Variants in HELLS observed in about 807,000 individuals in gnomAD.
The protein encoded by HELLS is lymphoid-specific helicase.
A neutral mutation model predicts 120.0 loss-of-function variants in HELLS; 32 were observed. The observed-to-expected ratio is 0.27, with a 90% CI of 0.20 to 0.36. HELLS has a LOEUF of 0.36. Among genes scored for constraint, HELLS ranks in the 10% least tolerant of loss-of-function variants. HELLS has a pLI of 1.00. For synonymous variants in HELLS, 341 were observed against 323.4 expected, an observed-to-expected ratio of 1.05 and a Z score of -0.58; for missense variants, 650 against 993.4, an observed-to-expected ratio of 0.65 and a Z score of 4.65.
intron 6 of HELLS, among the ~76,000 whole-genome samples, chr10:94,568,161 G>T (rs760328991): frequency 3.3e-5 from 5 of 150,880 alleles, no homozygotes; most frequent in Admixed American, 2.0e-4. Context: ...ATCTGCCTTG[G>T]CCTCCCAAAG....
chr10:94,577,182 G>T, intron 10 of HELLS: 1 of 339,684 alleles, frequency 2.9e-6, no homozygotes, highest in Non-Finnish European at 5.6e-6. Flanking sequence ...TATCTTATTG[G>T]ACTATTTGGT....
intron 15 of HELLS, among the ~76,000 whole-genome samples, chr10:94,591,611 T>G (rs940244991): frequency 6.6e-6 from 1 of 152,212 alleles, no homozygotes; most frequent in Admixed American, 6.6e-5. Context: ...TAGTATTCAC[T>G]TCCCTCAGTT....
At chr10:94,570,456 T>C (rs1038612019) in intron 6 of HELLS, 2 of 152,112 alleles carry the variant, frequency 1.3e-5, no homozygotes, top group African/African-American at 4.8e-5. Context: ...GATATACATA[T>C]ATTCCCATGT....
chr10:94,578,285 C>A (rs1296140589), intron 10 of HELLS, among the ~76,000 whole-genome samples: 10 of 151,944 alleles, frequency 6.6e-5, no homozygotes, highest in Non-Finnish European at 1.5e-4. Context: ...CACCAGGAAC[C>A]GGTTTTGTGG....
intron 3 of HELLS, chr10:94,557,132 A>T (rs1413258832): frequency 2.7e-6 from 1 of 368,976 alleles, no homozygotes; most frequent in African/African-American, 2.1e-5. Flanking sequence ...TGCACTTTTC[A>T]TCTGATATAC....
rs777811792 is a variant in HELLS at position 94,601,536 on chromosome 10, A to T, written c.2431A>T (p.Asn811Tyr). 1 of 1,522,936 alleles carries T rather than the reference A, an allele frequency of 6.6e-7. No homozygotes were observed. Among genetic ancestry groups the T allele is most frequent in the Non-Finnish European group, 9.1e-7 (1 of 1,104,810 alleles). 94.3% of individuals were successfully genotyped at this position (1,522,936 alleles called of 1,614,324 possible). The change falls in exon 22 of 22, where the codon AAT (asparagine) becomes TAT (tyrosine). Residue 811 changes from asparagine to tyrosine, a missense_variant. Transcript: ENST00000348459. ...TAATGTTTTTCCCTTAGATCAAATG[A>T]ATGCTTCAGGACCAATTAAAGAGAA... Reference protein sequence around the residue: ...LDRSDLIDQMNASGPIKEKMG... With the variant: ...LDRSDLIDQMYASGPIKEKMG...
intron 4 of HELLS, among the ~76,000 whole-genome samples, chr10:94,558,441 G>A (rs1177961866): frequency 1.3e-5 from 2 of 152,098 alleles, no homozygotes; most frequent in African/African-American, 4.8e-5. Flanking sequence ...GGCAAAATTT[G>A]ACTTTCTTAA....
chr10:94,609,244 AAC>A (rs1221660636), intron 9 of HELLS, among the ~76,000 whole-genome samples: 2 of 152,022 alleles, frequency 1.3e-5, no homozygotes, highest in Non-Finnish European at 2.9e-5. Flanking sequence ...GCTAGTCTCG[AAC>A]TCCTGACCTC....
At chr10:94,610,826 G>C (rs1318344645) in exon 10 of HELLS, 2 of 152,266 alleles carry the variant, frequency 1.3e-5, no homozygotes, top group East Asian at 3.8e-4. Context: ...CTGAACTCAG[G>C]TGATCTGCCT....
intron 7 of HELLS, among the ~76,000 whole-genome samples, chr10:94,572,248 T>G (rs1844214200): frequency 6.7e-6 from 1 of 149,198 alleles, no homozygotes; most frequent in African/African-American, 2.5e-5. Context: ...TACTATGGGA[T>G]TTTGGCTTCA....
exon 10 of HELLS, chr10:94,611,761 T>C (rs1187731486): frequency 6.6e-6 from 1 of 152,188 alleles, no homozygotes; most frequent in Non-Finnish European, 1.5e-5. Flanking sequence ...AGTGATTGGC[T>C]CTTCCTAAAA....
chr10:94,550,716 C>T (rs1359654329), intron 2 of HELLS, among the ~76,000 whole-genome samples: 2 of 151,958 alleles, frequency 1.3e-5, no homozygotes, highest in Admixed American at 6.5e-5. Flanking sequence ...AGGGTGAAAC[C>T]CCATCTCTAC....
Position 94,546,335 on chromosome 10 carries a change from A to AT in HELLS, c.32-35dup, listed in dbSNP as rs761288897. On this transcript the variant is annotated intron_variant, in intron 1 of 21. Transcript: ENST00000348459. ...TCTTGTTGGAGTTGAGTAGTTGGTA[A>AT]TTTTTTTAAAACTGCAATTTGAAAG... 3.7e-5 allele frequency: 60 copies of AT among 1,612,858 alleles called. 1 individual carries two copies. In the South Asian group the frequency reaches 5.6e-4, roughly 15 times the overall value.
chr10:94,557,145 C>T, intron 3 of HELLS: 1 of 406,170 alleles, frequency 2.5e-6, no homozygotes, highest in South Asian at 1.8e-5. Context: ...TGATATACAT[C>T]ATTTATTGTA....
At chr10:94,591,294 C>T (rs1845477973) in intron 15 of HELLS, among the ~76,000 whole-genome samples, 1 of 152,138 alleles carries the variant, frequency 6.6e-6, no homozygotes, top group Non-Finnish European at 1.5e-5. Context: ...TTATCAAAAT[C>T]AGCCTGGTTG....
chr10:94,556,985 C>T (rs930259697), intron 3 of HELLS, among the ~76,000 whole-genome samples: 2 of 152,216 alleles, frequency 1.3e-5, no homozygotes, highest in African/African-American at 4.8e-5. Context: ...CTGGAACCTT[C>T]TTCCTCTAAA....
Position 94,588,253 on chromosome 10 carries a change from A to C in HELLS, c.1351A>C (p.Arg451=). 1 of 1,602,890 alleles carries C rather than the reference A, an allele frequency of 6.2e-7. No individual in the cohort carries two copies. Among genetic ancestry groups the C allele is most frequent in the Middle Eastern group, 1.7e-4 (1 of 6,030 alleles). Residue 451 remains arginine (R), a synonymous_variant, in exon 13 of 22, where the codon AGA becomes CGA. Coordinates refer to ENST00000348459, the MANE Select transcript of HELLS (RefSeq NM_018063.5). ...HQILTPFLLR[R]LKSDVALEVP... is the part of the protein sequence containing the mutation. ...GATTTTAACACCTTTCTTATTGAGA[A>C]GACTGAAGTCTGATGTTGCTCTTGA...
At chr10:94,608,724 T>G (rs1029804183) in intron 9 of HELLS, among the ~76,000 whole-genome samples, 3 of 151,852 alleles carry the variant, frequency 2.0e-5, no homozygotes, top group Admixed American at 6.6e-5. Context: ...GCTTGAGGGA[T>G]CCTCTCACTG....
chr10:94,590,475 T>C lies in HELLS; in HGVS notation c.1551T>C (p.Asn517=), dbSNP rs937326454. ...AACGACGAACTAGAAAATCAATAAA[T>C]TACAGCAAAATAGATGATTTCCCTA... is the stretch of plus-strand genomic sequence containing the variant. ...RPKRRTRKSI[N]YSKIDDFPNE... is the part of the protein sequence containing the mutation. Residue 517 remains asparagine, a synonymous_variant, in exon 14 of 22, where the codon AAT becomes AAC. Coordinates refer to ENST00000348459, the MANE Select transcript of HELLS (RefSeq NM_018063.5). 1.9e-6 allele frequency: 3 copies of C among 1,612,538 alleles called. No homozygotes were observed. The highest frequency in any genetic ancestry group is 2.5e-6 in the Non-Finnish European group (3 of 1,179,672).
Sources: allele counts gnomAD v4.1 joint callset (sites outside exome capture counted in the v4.1 genomes callset), GRCh38; gene constraint gnomAD v4.1.1; transcripts MANE v1.5; gene names NCBI Gene and HGNC (gene_info 2026-07-23, HGNC 2026-07-21).